COL6A6: variants seen among roughly 807,000 people sequenced by gnomAD.
The protein encoded by COL6A6 is collagen alpha-6(VI) chain.
Under a neutral mutation model 208.6 loss-of-function variants are expected in COL6A6, and 183 were observed. That is an observed-to-expected ratio of 0.88 (90% confidence interval 0.78 to 0.99). COL6A6 has a LOEUF of 0.99. Ranked by LOEUF, COL6A6 falls within the 50% of genes least tolerant of loss-of-function variation. COL6A6 has a pLI of 0.00. For synonymous variants in COL6A6, 973 were observed against 1,011.8 expected, an observed-to-expected ratio of 0.96 and a Z score of 0.73; for missense variants, 2,816 against 2,815.2, an observed-to-expected ratio of 1.00 and a Z score of -0.01.
intron 1 of COL6A6, among the ~76,000 whole-genome samples, chr3:130,530,713 G>A (rs555961686): frequency 7.2e-5 from 11 of 152,262 alleles, no homozygotes; most frequent in Non-Finnish European, 1.2e-4. Context: ...ACCAGTCTCC[G>A]TGTTGCTGTG....
At chr3:130,612,514 A>C (rs570547495) in intron 23 of COL6A6, among the ~76,000 whole-genome samples, 1 of 152,262 alleles carries the variant, frequency 6.6e-6, no homozygotes, top group African/African-American at 2.4e-5. Flanking sequence ...TTCTCTAATC[A>C]GTGATTTTGA....
intron 1 of COL6A6, among the ~76,000 whole-genome samples, chr3:130,534,944 G>GTC (rs144456201): frequency 0.089 from 13,490 of 151,852 alleles, 1,899 homozygotes; most frequent in African/African-American, 0.3. Flanking sequence ...ATTTATATTA[G>GTC]TCTGGCATCT....
intron 23 of COL6A6, among the ~76,000 whole-genome samples, chr3:130,612,297 T>TA (rs1284255712): frequency 6.6e-6 from 1 of 152,124 alleles, no homozygotes; most frequent in African/African-American, 2.4e-5. Context: ...GGGTAAATAA[T>TA]AATGGGATTG....
chr3:130,566,256 C>A (rs2063020961), intron 4 of COL6A6, among the ~76,000 whole-genome samples: 1 of 152,126 alleles, frequency 6.6e-6, no homozygotes, highest in Admixed American at 6.5e-5. Context: ...TGAATAGTAG[C>A]CTTAGTTAGA....
chr3:130,551,452 A>G (rs941133977), intron 1 of COL6A6, among the ~76,000 whole-genome samples: 4 of 152,084 alleles, frequency 2.6e-5, no homozygotes, highest in Admixed American at 6.5e-5. Flanking sequence ...GTTTGTGTTC[A>G]TAGAGCTGTT....
At position 130,621,701 on chromosome 3, in the gene COL6A6, G is replaced by A. The variant is rs74851584; in HGVS notation, c.4816-120G>A. 0.013 allele frequency: 9,173 copies of A among 703,766 alleles called. 654 individuals are homozygous for A. The African/African-American group carries it at 0.15, about 11-fold the overall frequency. The allele number at this position is 703,766 out of a possible 1,614,324, so 43.6% of individuals were successfully genotyped here. On this transcript the variant is annotated intron_variant, in intron 23 of 36. Transcript: ENST00000358511. ...TGGCAATACTTTTTTCCAGAGCAAG[G>A]ATCGATACAGCCATAACTCTTCTCT...
chr3:130,634,245 A>AT lies in COL6A6; in HGVS notation c.4993-345_4993-344insT, dbSNP rs1431632323. Among the ~76,000 whole-genome samples, 135 of 54,528 alleles carry AT rather than the reference A, an allele frequency of 2.5e-3. 2 individuals carry two copies. The highest frequency in any genetic ancestry group is 5.3e-3 in the East Asian group (8 of 1,502). The allele number at this position is 54,528 out of a possible 152,430, so 35.8% of individuals were successfully genotyped here. A position where few individuals can be genotyped will look rare whatever the true frequency, so the allele number is the denominator to read the frequency against. ...AATAAATAAATAAATAAATAAATAAAAAAAAAAAAAAAAAAAAAAAAGATC... is the reference window on the plus strand; with the variant it reads ...AATAAATAAATAAATAAATAAATAAATAAAAAAAAAAAAAAAAAAAAAGATC... On this transcript the variant is annotated intron_variant, in intron 26 of 36. Coordinates refer to ENST00000358511, the MANE Select transcript of COL6A6 (RefSeq NM_001102608.3).
intron 32 of COL6A6, 102 bp downstream of exon 32, chr3:130,645,104 T>G (rs2065429482): frequency 8.9e-7 from 1 of 1,125,972 alleles, no homozygotes; most frequent in Admixed American, 1.7e-5. Flanking sequence ...ATGACACAAA[T>G]TTTATCTGGG....
At chr3:130,609,494 G>A (rs572368417) in intron 22 of COL6A6, among the ~76,000 whole-genome samples, 76 of 152,238 alleles carry the variant, frequency 5.0e-4, no homozygotes, top group African/African-American at 1.7e-3. Flanking sequence ...AGCCATACTT[G>A]GCTGTTTACA....
chr3:130,662,018 A>T lies in COL6A6; in HGVS notation c.6212A>T (p.Asn2071Ile). ...CATGCCTTACAGTGGACTCTGGACA[A>T]TGTATTTTTAAGTACACCCAATCTG... ...IGHALQWTLD[N>I]VFLSTPNLRR... The change falls in exon 35 of 37, where the codon AAT becomes ATT. Residue 2071 changes from asparagine (N) to isoleucine (I), a missense_variant. Transcript: ENST00000358511. 6.2e-7 allele frequency: 1 copy of T among 1,613,988 alleles called. No homozygotes were observed. Among genetic ancestry groups the T allele is most frequent in the Non-Finnish European group, 8.5e-7 (1 of 1,179,874 alleles).
intron 2 of COL6A6, among the ~76,000 whole-genome samples, chr3:130,562,795 G>A (rs1048803105): frequency 3.3e-5 from 5 of 151,992 alleles, no homozygotes; most frequent in Admixed American, 1.3e-4. Context: ...AGTCACTATT[G>A]TTAATCACTA....
At chr3:130,607,578 A>T (rs1400186453) in intron 21 of COL6A6, among the ~76,000 whole-genome samples, 3 of 152,246 alleles carry the variant, frequency 2.0e-5, no homozygotes, top group Admixed American at 6.5e-5. Context: ...AATGTTAAAG[A>T]TAAAAAGCAT....
chr3:130,538,990 G>T (rs6776080), intron 1 of COL6A6, among the ~76,000 whole-genome samples: 2 of 152,106 alleles, frequency 1.3e-5, no homozygotes, highest in African/African-American at 4.8e-5. Flanking sequence ...AACAGAAGTA[G>T]GTCTGTAAAC....
intron 35 of COL6A6, among the ~76,000 whole-genome samples, chr3:130,662,901 G>A (rs1313039802): frequency 6.6e-6 from 1 of 152,030 alleles, no homozygotes; most frequent in Non-Finnish European, 1.5e-5. Context: ...AAAGAAACAT[G>A]GGCTGCATTT....
intron 1 of COL6A6, among the ~76,000 whole-genome samples, chr3:130,556,551 T>A (rs1381440979): frequency 6.6e-6 from 1 of 152,200 alleles, no homozygotes; most frequent in African/African-American, 2.4e-5. Flanking sequence ...ATTTATATGA[T>A]TATCTATTTG....
intron 8 of COL6A6, among the ~76,000 whole-genome samples, chr3:130,576,875 A>G (rs1007566813): frequency 6.6e-6 from 1 of 152,214 alleles, no homozygotes; most frequent in African/African-American, 2.4e-5. Flanking sequence ...GTAGCTGGGT[A>G]TGGTTCAAAA....
intron 20 of COL6A6, among the ~76,000 whole-genome samples, chr3:130,600,799 A>G (rs2063990660): frequency 6.6e-6 from 1 of 152,184 alleles, no homozygotes; most frequent in African/African-American, 2.4e-5. Flanking sequence ...TGATAGGTGC[A>G]GCAAACATGG....
chr3:130,552,545 G>C (rs563249068), intron 1 of COL6A6, among the ~76,000 whole-genome samples: 2 of 152,052 alleles, frequency 1.3e-5, no homozygotes, highest in Admixed American at 1.3e-4. Context: ...TGTGAGATAG[G>C]TCTCTTGAAG....
chr3:130,635,674 AT>A, intron 27 of COL6A6, 24 bp from the exon 28 acceptor site: 1 of 1,500,132 alleles, frequency 6.7e-7, no homozygotes, highest in Non-Finnish European at 9.2e-7. Flanking sequence ...TTTAATAACT[AT>A]TTTACTTTAA....
Sources: gnomAD v4.1 joint callset for allele counts (sites outside exome capture counted in the v4.1 genomes callset) on GRCh38, gnomAD v4.1.1 for gene constraint, MANE v1.5 for transcripts, NCBI Gene and HGNC (gene_info 2026-07-23, HGNC 2026-07-21) for gene names.